SLC38A9: variants seen among roughly 807,000 people sequenced by gnomAD.
The protein encoded by SLC38A9 is neutral amino acid transporter 9.
A neutral mutation model predicts 62.3 loss-of-function variants in SLC38A9; 48 were observed. That is an observed-to-expected ratio of 0.77 (90% confidence interval 0.61 to 0.98). The LOEUF is 0.98. Among genes scored for constraint, SLC38A9 ranks in the 50% least tolerant of loss-of-function variants. SLC38A9 has a pLI of 0.00. For missense variants in SLC38A9, 541 were observed against 679.8 expected, an observed-to-expected ratio of 0.80 and a Z score of 2.27; for synonymous variants, 204 against 227.7, an observed-to-expected ratio of 0.90 and a Z score of 0.94.
chr5:55,695,808 C>T lies in SLC38A9; in HGVS notation c.113+2038G>A, dbSNP rs1197113054. On this transcript the variant is annotated intron_variant, in intron 3 of 15. Transcript: ENST00000396865. ...CACACCTCCCAGACGGGGTGGTGGC[C>T]GGGCAGAGGGGCTCCTCACTTCCCA... 8.0e-3 allele frequency among the ~76,000 whole-genome samples: 618 copies of T among 77,594 alleles called. 74 individuals are homozygous for T. The highest frequency in any genetic ancestry group is 0.023 in the African/African-American group (589 of 25,638). 50.9% of individuals were successfully genotyped at this position (77,594 alleles called of 152,430 possible). A position where few individuals can be genotyped will look rare whatever the true frequency, so the allele number is the denominator to read the frequency against.
At chr5:55,691,674 C>G (rs559384476) in intron 3 of SLC38A9, among the ~76,000 whole-genome samples, 1 of 152,278 alleles carries the variant, frequency 6.6e-6, no homozygotes, top group African/African-American at 2.4e-5. Flanking sequence ...GGAAAGTAAC[C>G]TCTTAGACTG....
intron 2 of SLC38A9, among the ~76,000 whole-genome samples, chr5:55,698,723 G>A (rs547356383): frequency 6.6e-6 from 1 of 152,294 alleles, no homozygotes; most frequent in Admixed American, 6.5e-5. Flanking sequence ...GAGGCTGGGA[G>A]TCTGAGATTA....
intron 14 of SLC38A9, chr5:55,633,508 G>A: frequency 2.4e-6 from 1 of 414,576 alleles, no homozygotes. Context: ...TAAATAATAA[G>A]ATAAATATAA....
At chr5:55,687,426 CAAAAAAAAAAAAAA>C (rs34476189) in intron 3 of SLC38A9, among the ~76,000 whole-genome samples, 1 of 76,394 alleles carries the variant, frequency 1.3e-5, no homozygotes, top group African/African-American at 5.5e-5. Flanking sequence ...GACTCCGTCT[CAAAAAAAAAAAAAA>C]AAAAAAAAAA....
chr5:55,701,942 CT>C (rs575124323), intron 2 of SLC38A9, among the ~76,000 whole-genome samples: 7 of 152,156 alleles, frequency 4.6e-5, no homozygotes, highest in Non-Finnish European at 1.0e-4. Context: ...TTTGTCATTT[CT>C]TTCTCAGTCC....
intron 8 of SLC38A9, among the ~76,000 whole-genome samples, chr5:55,660,124 C>G (rs922966904): frequency 1.3e-5 from 2 of 150,740 alleles, no homozygotes. Flanking sequence ...GATAAACATT[C>G]AAGGGGCAGG....
Position 55,645,784 on chromosome 5 carries a change from C to T in SLC38A9, c.1167+5G>A, listed in dbSNP as rs1299632034. ...CAAAAGTCAATTCCAAAGATAATTA[C>T]TCACATTGTTTTCTTGTTTCTTGTT... On this transcript the variant is annotated splice_donor_5th_base_variant and intron_variant, in intron 12 of 15. Transcript: ENST00000396865. The T allele has an allele frequency of 1.3e-6, 2 of 1,574,268 alleles. No individual in the cohort carries two copies. The highest frequency in any genetic ancestry group is 1.4e-5 in the African/African-American group (1 of 73,794).
Position 55,645,788 on chromosome 5 carries a change from C to T in SLC38A9, c.1167+1G>A. On this transcript the variant is annotated splice_donor_variant, in intron 12 of 15. Transcript: ENST00000396865. LOFTEE classifies it high-confidence loss of function. ...AGTCAATTCCAAAGATAATTACTCA[C>T]ATTGTTTTCTTGTTTCTTGTTGTTC... is the stretch of plus-strand genomic sequence containing the variant. The T allele has an allele frequency of 6.3e-7, 1 of 1,587,586 alleles. No homozygotes were observed. The highest frequency in any genetic ancestry group is 8.6e-7 in the Non-Finnish European group (1 of 1,160,786).
chr5:55,643,371 TCACTC>T (rs1745751602), intron 12 of SLC38A9, among the ~76,000 whole-genome samples: 1 of 152,222 alleles, frequency 6.6e-6, no homozygotes, highest in East Asian at 1.9e-4. Context: ...ATTTGTATCT[TCACTC>T]CATTATGGTT....
At chr5:55,657,650 GA>G (rs1250642382) in intron 8 of SLC38A9, among the ~76,000 whole-genome samples, 1 of 152,178 alleles carries the variant, frequency 6.6e-6, no homozygotes, top group South Asian at 2.1e-4. Flanking sequence ...GTGAAAGAGA[GA>G]ACAGGCAGAG....
intron 3 of SLC38A9, among the ~76,000 whole-genome samples, chr5:55,694,754 CTCCTTTCCTT>C (rs570063941): frequency 7.2e-6 from 1 of 139,760 alleles, no homozygotes; most frequent in Non-Finnish European, 1.5e-5. Flanking sequence ...CTCCTCTCCT[CTCCTTTCCTT>C]TCCTTTCCTG....
intron 9 of SLC38A9, among the ~76,000 whole-genome samples, chr5:55,655,238 GGATATAA>G (rs1748192140): frequency 7.5e-6 from 1 of 134,018 alleles, no homozygotes; most frequent in African/African-American, 2.6e-5. Flanking sequence ...AAGAAGTGCT[GGATATAA>G]GATATCACTA....
intron 8 of SLC38A9, 86 bp from the exon 9 acceptor site, chr5:55,656,860 C>CTTTTTTTTTTTTTT (rs11397177): frequency 4.6e-6 from 2 of 435,800 alleles, no homozygotes; most frequent in African/African-American, 2.1e-5. Context: ...TTATAAAAAT[C>CTTTTTTTTTTTTTT]TTTTTTTTTT....
chr5:55,704,315 G>A (rs1348072301), intron 2 of SLC38A9: 1 of 152,148 alleles, frequency 6.6e-6, no homozygotes, highest in Non-Finnish European at 1.5e-5. Flanking sequence ...GATTTTTAAA[G>A]CATTACCTCA....
At chr5:55,659,160 CAT>C (rs1749001035) in intron 8 of SLC38A9, among the ~76,000 whole-genome samples, 1 of 151,696 alleles carries the variant, frequency 6.6e-6, no homozygotes, top group African/African-American at 2.4e-5. Flanking sequence ...CCACAATAAA[CAT>C]AATATTTGTG....
intron 5 of SLC38A9, 44 bp downstream of exon 5, chr5:55,669,714 C>A: frequency 1.2e-6 from 2 of 1,601,760 alleles, no homozygotes; most frequent in Non-Finnish European, 1.7e-6. Context: ...TAATTTTCAT[C>A]CATATACAGT....
intron 14 of SLC38A9, among the ~76,000 whole-genome samples, chr5:55,629,683 G>T (rs77445535): frequency 0.049 from 7,440 of 152,142 alleles, 315 homozygotes; most frequent in African/African-American, 0.12. Context: ...GTTTGACAGA[G>T]ATTTTCCAGA....
chr5:55,670,521 G>A (rs1414582966), intron 4 of SLC38A9, among the ~76,000 whole-genome samples: 1 of 151,972 alleles, frequency 6.6e-6, no homozygotes, highest in African/African-American at 2.4e-5. Flanking sequence ...ATAGTTTTGG[G>A]ATTTTCAGAA....
intron 3 of SLC38A9, among the ~76,000 whole-genome samples, chr5:55,688,687 A>G (rs960903076): frequency 7.7e-6 from 1 of 130,628 alleles, no homozygotes; most frequent in African/African-American, 2.7e-5. Context: ...GCCCTAGGGC[A>G]TGACCTCTTT....
Sources: gnomAD v4.1 joint callset for allele counts (sites outside exome capture counted in the v4.1 genomes callset) on GRCh38, gnomAD v4.1.1 for gene constraint, MANE v1.5 for transcripts, NCBI Gene and HGNC (gene_info 2026-07-23, HGNC 2026-07-21) for gene names.